CNTN4: variants seen among roughly 807,000 people sequenced by gnomAD.
The protein encoded by CNTN4 is contactin-4.
In CNTN4, 77 loss-of-function variants were observed where a neutral mutation model predicts 122.5. The observed-to-expected ratio is 0.63, with a 90% CI of 0.52 to 0.76. CNTN4 has a LOEUF of 0.76. Ranked by LOEUF, CNTN4 falls within the 30% of genes least tolerant of loss-of-function variation. The probability of loss-of-function intolerance (pLI) is 0.00; values close to 1 mark genes in which losing one functional copy is unlikely to be tolerated. For missense variants in CNTN4, 1,256 were observed against 1,259.1 expected (o/e 1.00, Z 0.04); for synonymous variants, 512 against 447.0 (o/e 1.15, Z -1.83).
Position 2,224,259 on chromosome 3 carries a change from G to A in CNTN4, c.-144-114919G>A, listed in dbSNP as rs78202871. ...GTCATATTTTCGGGTGGTGTGTCCT[G>A]AGCCTCAACAATAGGCAGAGCATAC... On this transcript the variant is annotated intron_variant, in intron 2 of 24. Coordinates refer to ENST00000418658, the MANE Select transcript of CNTN4 (RefSeq NM_175607.3). Among the ~76,000 whole-genome samples, 3 of 152,240 alleles carry A rather than the reference G, an allele frequency of 2.0e-5. No individual in the cohort carries two copies. The East Asian group carries it at 5.8e-4, about 29-fold the overall frequency.
intron 4 of CNTN4, among the ~76,000 whole-genome samples, chr3:2,719,873 G>C (rs1232332449): frequency 1.3e-5 from 2 of 152,160 alleles, no homozygotes; most frequent in African/African-American, 4.8e-5. Context: ...CAAGTAATCA[G>C]GATATGTAGT....
rs117070952 is a variant in CNTN4 at position 2,423,842 on chromosome 3, T to C, written c.-89+84609T>C. 7.9e-5 allele frequency among the ~76,000 whole-genome samples: 12 copies of C among 151,434 alleles called. No individual in the cohort carries two copies. In the East Asian group the frequency reaches 2.2e-3, roughly 28 times the overall value. On this transcript the variant is annotated intron_variant, in intron 3 of 24. Transcript: ENST00000418658. ...CTGAATTAATTGGTGCCGAACATCG[T>C]TCCGGTCTATGGTGGGAGTAATAGT...
intron 3 of CNTN4, among the ~76,000 whole-genome samples, chr3:2,417,999 A>T (rs1421034600): frequency 1.3e-5 from 2 of 152,190 alleles, no homozygotes; most frequent in Non-Finnish European, 2.9e-5. Flanking sequence ...GGAGAGATTA[A>T]TAGAGCACAG....
At chr3:2,519,845 C>T (rs918264521) in intron 3 of CNTN4, among the ~76,000 whole-genome samples, 7 of 152,132 alleles carry the variant, frequency 4.6e-5, no homozygotes, top group Admixed American at 4.6e-4. Flanking sequence ...TGAGGCATCT[C>T]TCATTGGTTG....
At chr3:2,210,101 A>T (rs555831716) in intron 2 of CNTN4, among the ~76,000 whole-genome samples, 1 of 152,206 alleles carries the variant, frequency 6.6e-6, no homozygotes, top group African/African-American at 2.4e-5. Flanking sequence ...CCCTGTATCT[A>T]TTTGTCTATC....
At chr3:3,015,485 A>G (rs1042808005) in intron 14 of CNTN4, among the ~76,000 whole-genome samples, 3 of 152,214 alleles carry the variant, frequency 2.0e-5, no homozygotes, top group Non-Finnish European at 4.4e-5. Flanking sequence ...TAAGCTTCAT[A>G]TGCTCCTCGG....
chr3:2,576,285 A>G (rs944160558), intron 4 of CNTN4, among the ~76,000 whole-genome samples: 9 of 152,180 alleles, frequency 5.9e-5, no homozygotes, highest in African/African-American at 2.2e-4. Context: ...TTTCAAATGA[A>G]TGAATGCTGC....
In CNTN4 at chr3:2,264,882, G is replaced by GT. The variant is rs550915454; in HGVS notation, c.-144-74292dup. Reference sequence around the variant, plus strand: ...TTAAATTTATTTTTCATTTCAATAGGTTTTGGGGGAACAGGTGGTATTTTG... The same window carrying GT: ...TTAAATTTATTTTTCATTTCAATAGGTTTTTGGGGGAACAGGTGGTATTTTG... On this transcript the variant is annotated intron_variant, in intron 2 of 24. Coordinates refer to ENST00000418658, the MANE Select transcript of CNTN4 (RefSeq NM_175607.3). 5.8e-4 allele frequency among the ~76,000 whole-genome samples: 88 copies of GT among 152,012 alleles called. 1 individual carries two copies. The East Asian group carries it at 0.014, about 23-fold the overall frequency.
rs78793822 is a variant in CNTN4, at chr3:2,822,681, C to A, written c.454+3100C>A. On this transcript the variant is annotated intron_variant, in intron 7 of 24. Transcript: ENST00000418658. ...CACCACCACTGTCCGATATAATGAT[C>A]TCTTTAGGAAAGGCAAAACACATGG... 7.2e-4 allele frequency among the ~76,000 whole-genome samples: 110 copies of A among 152,322 alleles called. 1 individual carries two copies. The East Asian group carries it at 8.3e-3, about 11-fold the overall frequency.
At chr3:2,451,933 A>C (rs1224033364) in intron 3 of CNTN4, among the ~76,000 whole-genome samples, 3 of 152,164 alleles carry the variant, frequency 2.0e-5, no homozygotes, top group Non-Finnish European at 4.4e-5. Flanking sequence ...GCACACATTA[A>C]ATCTCTATTT....
intron 2 of CNTN4, among the ~76,000 whole-genome samples, chr3:2,127,900 AG>A (rs144620814): frequency 0.014 from 2,091 of 152,300 alleles, 59 homozygotes; most frequent in African/African-American, 0.048. Flanking sequence ...TCAAACCAAG[AG>A]TAGAAGATAA....
At chr3:2,399,705 G>A (rs1338437515) in intron 3 of CNTN4, among the ~76,000 whole-genome samples, 3 of 152,022 alleles carry the variant, frequency 2.0e-5, no homozygotes, top group African/African-American at 7.2e-5. Flanking sequence ...ATATGAGGAA[G>A]GTTTATGCTT....
At chr3:2,106,574 C>T (rs6801011) in intron 2 of CNTN4, among the ~76,000 whole-genome samples, 17,534 of 152,228 alleles carry the variant, frequency 0.12, 1,087 homozygotes, top group African/African-American at 0.14. Context: ...GTGGCTGGGA[C>T]GCAGGGCACC....
At chr3:2,111,374 C>G (rs1435109907) in intron 2 of CNTN4, among the ~76,000 whole-genome samples, 3 of 152,068 alleles carry the variant, frequency 2.0e-5, no homozygotes, top group African/African-American at 2.4e-5. Flanking sequence ...TTTTCCTGTT[C>G]TTCTGAATTA....
At chr3:2,210,678 G>A (rs1462570928) in intron 2 of CNTN4, among the ~76,000 whole-genome samples, 1 of 152,182 alleles carries the variant, frequency 6.6e-6, no homozygotes, top group African/African-American at 2.4e-5. Flanking sequence ...GCAAGAGTGA[G>A]AGTCTCAACT....
At chr3:2,530,137 G>A (rs1329898485) in intron 3 of CNTN4, among the ~76,000 whole-genome samples, 1 of 151,962 alleles carries the variant, frequency 6.6e-6, no homozygotes, top group Non-Finnish European at 1.5e-5. Context: ...AGAGCAGTAG[G>A]AGCTTTTCTT....
intron 2 of CNTN4, among the ~76,000 whole-genome samples, chr3:2,246,038 A>G (rs538411710): frequency 8.7e-4 from 133 of 152,048 alleles, no homozygotes; most frequent in African/African-American, 3.1e-3. Flanking sequence ...TTAGATAAAT[A>G]CCTTTCTGGA....
At chr3:2,875,969 G>A (rs1322886963) in intron 8 of CNTN4, among the ~76,000 whole-genome samples, 1 of 152,166 alleles carries the variant, frequency 6.6e-6, no homozygotes, top group Non-Finnish European at 1.5e-5. Context: ...AGAGGTATTT[G>A]GCCTCTCTGC....
chr3:2,731,982 A>T (rs1352241282), intron 4 of CNTN4, among the ~76,000 whole-genome samples: 1 of 152,182 alleles, frequency 6.6e-6, no homozygotes, highest in South Asian at 2.1e-4. Flanking sequence ...GAGTTAGTTT[A>T]TGTCAGTCCT....
Sources: allele counts gnomAD v4.1 joint callset (sites outside exome capture counted in the v4.1 genomes callset), GRCh38; gene constraint gnomAD v4.1.1; transcripts MANE v1.5; gene names NCBI Gene and HGNC (gene_info 2026-07-23, HGNC 2026-07-21).